The following RPS6KC1 variants were observed in gnomAD, a reference collection of about 807,000 sequenced individuals.
RPS6KC1 encodes ribosomal protein S6 kinase C1.
RPS6KC1 carries 54 observed loss-of-function variants against 103.8 expected under a neutral mutation model. That is an observed-to-expected ratio of 0.52 (90% CI 0.42 to 0.65). The LOEUF (loss-of-function observed/expected upper bound fraction) is 0.65. RPS6KC1 is among the 30% of genes least tolerant of loss of function. The pLI is 0.00. For synonymous variants in RPS6KC1, 439 were observed against 438.7 expected, an observed-to-expected ratio of 1.00 and a Z score of -0.01; for missense variants, 1,151 against 1,253.8, an observed-to-expected ratio of 0.92 and a Z score of 1.24.
chr1:213,456,214 C>G, the RPS6KC1 span, among the ~76,000 whole-genome samples: 1 of 152,154 alleles, frequency 6.6e-6, no homozygotes, highest in Non-Finnish European at 1.5e-5. Flanking sequence ...GGGCTGCTGC[C>G]TTAGTCTCCT....
the RPS6KC1 span, among the ~76,000 whole-genome samples, chr1:213,428,420 TTCCTCTCCCCTCCCTCCC>T: frequency 1.9e-5 from 1 of 52,698 alleles, no homozygotes; most frequent in Non-Finnish European, 3.9e-5. Flanking sequence ...CCTCCCTCCC[TTCCTCTCCCCTCCCTCCC>T]TCCATCCCTC....
At chr1:213,653,747 G>A in the RPS6KC1 span, among the ~76,000 whole-genome samples, 1 of 152,206 alleles carries the variant, frequency 6.6e-6, no homozygotes, top group Non-Finnish European at 1.5e-5. Flanking sequence ...GCTCATAGCA[G>A]AATGGACTGA....
chr1:213,543,184 G>T, the RPS6KC1 span, among the ~76,000 whole-genome samples: 1 of 152,224 alleles, frequency 6.6e-6, no homozygotes, highest in Non-Finnish European at 1.5e-5. Context: ...GCTGAGTCTT[G>T]TTGAAAAGCT....
chr1:213,608,547 C>T, the RPS6KC1 span, among the ~76,000 whole-genome samples: 1 of 151,952 alleles, frequency 6.6e-6, no homozygotes, highest in South Asian at 2.1e-4. Flanking sequence ...ATCGCTTCCT[C>T]GTGGAAACAT....
the RPS6KC1 span, among the ~76,000 whole-genome samples, chr1:213,605,516 C>T: frequency 1.0e-3 from 159 of 152,314 alleles, no homozygotes; most frequent in Middle Eastern, 3.4e-3. Context: ...AAGACTTAAA[C>T]GACCCCACTG....
the RPS6KC1 span, among the ~76,000 whole-genome samples, chr1:213,354,745 C>A: frequency 2.0e-5 from 3 of 152,282 alleles, no homozygotes; most frequent in African/African-American, 7.2e-5. Flanking sequence ...TATGATAATC[C>A]ATTGATTCAT....
chr1:213,399,695 C>T, the RPS6KC1 span, among the ~76,000 whole-genome samples: 1 of 152,082 alleles, frequency 6.6e-6, no homozygotes, highest in African/African-American at 2.4e-5. Flanking sequence ...CTTTCAGTCC[C>T]AGGAGCTGAG....
At chr1:213,370,127 T>C in the RPS6KC1 span, among the ~76,000 whole-genome samples, 1 of 152,204 alleles carries the variant, frequency 6.6e-6, no homozygotes, top group Non-Finnish European at 1.5e-5. Context: ...AAAGATGCTG[T>C]GCAAAAGACA....
chr1:213,374,516 C>T, the RPS6KC1 span, among the ~76,000 whole-genome samples: 3 of 152,052 alleles, frequency 2.0e-5, no homozygotes, highest in African/African-American at 2.4e-5. Context: ...TTCTGATTCT[C>T]GGTGAGAAAA....
At chr1:213,796,081 T>C in the RPS6KC1 span, among the ~76,000 whole-genome samples, 4 of 152,242 alleles carry the variant, frequency 2.6e-5, no homozygotes, top group African/African-American at 9.6e-5. Context: ...GTGATATTGT[T>C]ACAGCCACCA....
the RPS6KC1 span, among the ~76,000 whole-genome samples, chr1:213,570,403 A>G: frequency 0.031 from 4,724 of 152,296 alleles, 239 homozygotes; most frequent in African/African-American, 0.11. Flanking sequence ...TGAGGGTCTA[A>G]TTCTGCCCTT....
the RPS6KC1 span, among the ~76,000 whole-genome samples, chr1:213,561,888 C>T: frequency 6.6e-6 from 1 of 152,204 alleles, no homozygotes; most frequent in African/African-American, 2.4e-5. Context: ...GTCGAACTTT[C>T]CAGATTAAAG....
chr1:213,251,292 A>G (rs1259690879), intron 12 of RPS6KC1, among the ~76,000 whole-genome samples: 1 of 152,036 alleles, frequency 6.6e-6, no homozygotes, highest in Non-Finnish European at 1.5e-5. Context: ...TGTTTTTAGT[A>G]GAGACGGAGT....
chr1:213,815,115 C>A, the RPS6KC1 span, among the ~76,000 whole-genome samples: 349 of 152,236 alleles, frequency 2.3e-3, no homozygotes, highest in Non-Finnish European at 4.1e-3. Context: ...TGAGTGAGTT[C>A]TCATAAGACC....
chr1:213,671,764 A>G, the RPS6KC1 span, among the ~76,000 whole-genome samples: 1 of 152,022 alleles, frequency 6.6e-6, no homozygotes, highest in African/African-American at 2.4e-5. Flanking sequence ...AGCCTGGGCA[A>G]CAGAGGGAGA....
At chr1:213,245,257 A>G (rs2094436235) in intron 12 of RPS6KC1, among the ~76,000 whole-genome samples, 1 of 152,194 alleles carries the variant, frequency 6.6e-6, no homozygotes, top group Non-Finnish European at 1.5e-5. Flanking sequence ...TAATATGTTA[A>G]TATTTCAATA....
At chr1:213,546,725 T>C in the RPS6KC1 span, among the ~76,000 whole-genome samples, 3 of 152,214 alleles carry the variant, frequency 2.0e-5, no homozygotes, top group Non-Finnish European at 2.9e-5. Context: ...GAACAGATAG[T>C]ATAGAGAGTT....
At chr1:213,460,100 T>G in the RPS6KC1 span, among the ~76,000 whole-genome samples, 1 of 152,306 alleles carries the variant, frequency 6.6e-6, no homozygotes, top group Non-Finnish European at 1.5e-5. Context: ...CTATTAGGTG[T>G]GCTTGGTCCA....
At chr1:213,113,021 A>C (rs1445288283) in intron 4 of RPS6KC1, among the ~76,000 whole-genome samples, 4 of 152,184 alleles carry the variant, frequency 2.6e-5, no homozygotes, top group African/African-American at 7.2e-5. Context: ...CGCAATAAAC[A>C]TATGTGTGCA....
Sources: allele counts gnomAD v4.1 joint callset (sites outside exome capture counted in the v4.1 genomes callset), GRCh38; gene constraint gnomAD v4.1.1; transcripts MANE v1.5; gene names NCBI Gene and HGNC (gene_info 2026-07-23, HGNC 2026-07-21).